ADGRL2: variants seen among roughly 807,000 people sequenced by gnomAD.
ADGRL2 encodes adhesion G protein-coupled receptor L2, also known as calcium-independent alpha-latrotoxin receptor 2.
ADGRL2 carries 44 observed loss-of-function variants against 157.4 expected under a neutral mutation model. The ratio of observed to expected loss-of-function variants is 0.28; its 90% CI spans 0.22 to 0.36. ADGRL2 has a LOEUF of 0.36. Ranked by LOEUF, ADGRL2 falls within the 10% of genes least tolerant of loss-of-function variation. The pLI, the probability that ADGRL2 is intolerant of heterozygous loss-of-function variation, is 1.00. For missense variants in ADGRL2, 1,510 were observed against 1,768.9 expected (o/e 0.85, Z 2.63); for synonymous variants, 585 against 624.7 (o/e 0.94, Z 0.95).
At chr1:81,486,272 C>G (rs757296522) in intron 2 of ADGRL2, among the ~76,000 whole-genome samples, 11 of 152,104 alleles carry the variant, frequency 7.2e-5, no homozygotes, top group Non-Finnish European at 1.3e-4. Flanking sequence ...GACCGATATT[C>G]CCACTCGACT....
intron 1 of ADGRL2, among the ~76,000 whole-genome samples, chr1:81,332,127 C>T (rs1360746654): frequency 6.6e-6 from 1 of 152,090 alleles, no homozygotes; most frequent in East Asian, 1.9e-4. Flanking sequence ...TAGAAGGTTT[C>T]CAGATGAAAC....
intron 1 of ADGRL2, among the ~76,000 whole-genome samples, chr1:81,825,457 C>T (rs1229900144): frequency 6.6e-6 from 1 of 151,674 alleles, no homozygotes; most frequent in Non-Finnish European, 1.5e-5. Context: ...CAAGTGATTC[C>T]CCTGCCTCAG....
intron 1 of ADGRL2, among the ~76,000 whole-genome samples, chr1:81,813,987 C>G (rs2090137074): frequency 6.6e-6 from 1 of 151,604 alleles, no homozygotes; most frequent in African/African-American, 2.4e-5. Flanking sequence ...AGGTAGACTA[C>G]TGAGCGATTT....
intron 3 of ADGRL2, among the ~76,000 whole-genome samples, chr1:81,931,903 A>G (rs942579274): frequency 1.3e-5 from 2 of 152,062 alleles, no homozygotes; most frequent in Non-Finnish European, 2.9e-5. Flanking sequence ...GCCTCCCAAA[A>G]TGCTGGGATT....
chr1:81,375,328 G>A (rs117865926), intron 1 of ADGRL2, among the ~76,000 whole-genome samples: 1 of 152,326 alleles, frequency 6.6e-6, no homozygotes, highest in East Asian at 1.9e-4. Flanking sequence ...AAAGCCAGAA[G>A]ATGAAGTGGA....
chr1:81,706,990 T>C (rs1043125585), intron 1 of ADGRL2, among the ~76,000 whole-genome samples: 18 of 152,168 alleles, frequency 1.2e-4, no homozygotes, highest in African/African-American at 4.3e-4. Context: ...TCTAGGGGTT[T>C]AGCCCTAAAT....
At position 81,990,812 on chromosome 1, in the gene ADGRL2, C is replaced by T; in HGVS notation, c.4077C>T (p.Asp1359=). ...AGAAAGTGAAGTCCGAGGGAACTGACAGCTATGTCTCCCAACTGACAGCAG... is the reference window on the plus strand; with the variant it reads ...AGAAAGTGAAGTCCGAGGGAACTGATAGCTATGTCTCCCAACTGACAGCAG... ...PQKKVKSEGT[D]SYVSQLTAEA... Residue 1359 remains aspartate, a synonymous_variant, in exon 24 of 24, where the codon GAC becomes GAT. Transcript: ENST00000686636. 5.0e-6 allele frequency: 8 copies of T among 1,614,112 alleles called. No individual in the cohort carries two copies. The highest frequency in any genetic ancestry group is 6.8e-6 in the Non-Finnish European group (8 of 1,179,998).
intron 1 of ADGRL2, among the ~76,000 whole-genome samples, chr1:81,757,768 C>T (rs943928745): frequency 1.3e-5 from 2 of 152,168 alleles, no homozygotes; most frequent in Admixed American, 1.3e-4. Context: ...CAAAACTACT[C>T]ACCAGCTCTT....
At chr1:81,451,961 G>C (rs780244239) in intron 2 of ADGRL2, among the ~76,000 whole-genome samples, 1 of 152,116 alleles carries the variant, frequency 6.6e-6, no homozygotes, top group Non-Finnish European at 1.5e-5. Flanking sequence ...ATATAATGTA[G>C]TGTACAACTT....
intron 1 of ADGRL2, among the ~76,000 whole-genome samples, chr1:81,807,972 C>CA (rs1415757627): frequency 1.3e-4 from 19 of 149,620 alleles, no homozygotes; most frequent in Non-Finnish European, 2.8e-4. Context: ...TATTTTTTTA[C>CA]AAAAAACCTC....
intron 2 of ADGRL2, among the ~76,000 whole-genome samples, chr1:81,904,658 A>G (rs1200908330): frequency 6.6e-6 from 1 of 152,158 alleles, no homozygotes; most frequent in Non-Finnish European, 1.5e-5. Flanking sequence ...GCCTGTAACC[A>G]CAGCACTTTG....
At chr1:81,740,663 A>G (rs1571024613) in intron 1 of ADGRL2, among the ~76,000 whole-genome samples, 1 of 152,116 alleles carries the variant, frequency 6.6e-6, no homozygotes, top group Non-Finnish European at 1.5e-5. Context: ...TGTTTGTGCT[A>G]TATAGACTTG....
chr1:81,363,590 C>A (rs979785631), intron 1 of ADGRL2, among the ~76,000 whole-genome samples: 1 of 152,166 alleles, frequency 6.6e-6, no homozygotes, highest in Non-Finnish European at 1.5e-5. Context: ...TGACAAATGT[C>A]CTCCACTATG....
intron 1 of ADGRL2, among the ~76,000 whole-genome samples, chr1:81,750,764 G>T (rs2149265451): frequency 6.6e-6 from 1 of 152,054 alleles, no homozygotes; most frequent in South Asian, 2.1e-4. Flanking sequence ...AAACTACATT[G>T]GACCCTGTGG....
chr1:81,596,395 C>T (rs1372748521), intron 3 of ADGRL2: 1 of 481,760 alleles, frequency 2.1e-6, no homozygotes, highest in East Asian at 5.1e-5. Context: ...CTGATCAAGT[C>T]AGCTCACACC....
rs78896539 is a variant in ADGRL2 at position 81,379,596 on chromosome 1, G to A, written c.-301-65440G>A. On this transcript the variant is annotated intron_variant, in intron 1 of 24. Transcript: ENST00000370721. ...TTCCCCTGGAGTCAGACTGCTCGGA[G>A]GCCAGGGCTCTCCTCCAACTGCCCC... 4.6e-4 allele frequency among the ~76,000 whole-genome samples: 70 copies of A among 152,244 alleles called. 1 individual carries two copies. In the East Asian group the frequency reaches 0.014, roughly 30 times the overall value.
At chr1:81,340,857 A>C (rs1662018642) in intron 1 of ADGRL2, among the ~76,000 whole-genome samples, 1 of 151,896 alleles carries the variant, frequency 6.6e-6, no homozygotes, top group African/African-American at 2.4e-5. Flanking sequence ...CAAGTCACTC[A>C]GACATTCTCT....
At chr1:81,461,927 G>T (rs4515836) in intron 2 of ADGRL2, among the ~76,000 whole-genome samples, 1 of 39,544 alleles carries the variant, frequency 2.5e-5, no homozygotes. Context: ...AAGAAAAGAA[G>T]AAAGGGGGGG....
At chr1:81,796,509 T>C (rs933592506), upstream of ADGRL2, among the ~76,000 whole-genome samples, 140 of 152,310 alleles carry the variant, frequency 9.2e-4, no homozygotes, top group African/African-American at 3.2e-3. Flanking sequence ...GAACAATCTA[T>C]GGGAAAGAAA....
Sources: gnomAD v4.1 joint callset for allele counts (sites outside exome capture counted in the v4.1 genomes callset) on GRCh38, gnomAD v4.1.1 for gene constraint, MANE v1.5 for transcripts, NCBI Gene and HGNC (gene_info 2026-07-23, HGNC 2026-07-21) for gene names.